Variants in FAM53A observed in about 807,000 individuals in gnomAD.
FAM53A encodes family with sequence similarity 53 member A.
A neutral mutation model predicts 26.6 loss-of-function variants in FAM53A; 28 were observed. That is an observed-to-expected ratio of 1.05 (90% CI 0.78 to 1.45). The LOEUF (loss-of-function observed/expected upper bound fraction) is 1.45, where lower values mean the gene tolerates loss of function less well. Among genes scored for constraint, FAM53A ranks in the 40% most tolerant of loss-of-function variants. FAM53A has a pLI of 0.00. For missense variants in FAM53A, 650 were observed against 575.8 expected, an observed-to-expected ratio of 1.13 and a Z score of -1.32; for synonymous variants, 290 against 253.1, an observed-to-expected ratio of 1.15 and a Z score of -1.38.
chr4:1,587,649 G>A, the FAM53A span, among the ~76,000 whole-genome samples: 1 of 152,156 alleles, frequency 6.6e-6, no homozygotes, highest in Non-Finnish European at 1.5e-5. Flanking sequence ...TCCAGCCTAG[G>A]TGACAGAGCG....
At chr4:1,658,311 C>T (rs376928105) in intron 2 of FAM53A, among the ~76,000 whole-genome samples, 20 of 152,368 alleles carry the variant, frequency 1.3e-4, no homozygotes, top group Admixed American at 7.8e-4. Flanking sequence ...TGAGCCACCA[C>T]GCCCGGCCTC....
At chr4:1,637,617 G>C (rs1001782236), downstream of FAM53A, among the ~76,000 whole-genome samples, 5 of 150,914 alleles carry the variant, frequency 3.3e-5, no homozygotes, top group Non-Finnish European at 7.4e-5. Context: ...AGAGGGGGAG[G>C]GCTGGGGGCA....
chr4:1,588,826 A>T, the FAM53A span, among the ~76,000 whole-genome samples: 3 of 152,356 alleles, frequency 2.0e-5, no homozygotes, highest in South Asian at 2.1e-4. Context: ...TAAATGGACA[A>T]TGATACAATG....
At chr4:1,637,534 C>A (rs1715899931), downstream of FAM53A, among the ~76,000 whole-genome samples, 1 of 152,268 alleles carries the variant, frequency 6.6e-6, no homozygotes, top group African/African-American at 2.4e-5. Context: ...ATCCCTGCCC[C>A]ACCTCGCCTC....
At chr4:1,577,000 G>C in the FAM53A span, among the ~76,000 whole-genome samples, 3 of 107,930 alleles carry the variant, frequency 2.8e-5, no homozygotes, top group East Asian at 3.1e-4. Context: ...CACTGTTCCC[G>C]GCCCCTCCCT....
chr4:1,681,707 T>G (rs568748640), intron 1 of FAM53A, among the ~76,000 whole-genome samples: 5 of 151,950 alleles, frequency 3.3e-5, no homozygotes, highest in South Asian at 2.1e-4. Flanking sequence ...CTCACTATGT[T>G]GCCCAGGCTG....
intron 4 of FAM53A, among the ~76,000 whole-genome samples, chr4:1,651,005 T>G (rs950387541): frequency 4.6e-5 from 6 of 131,390 alleles, no homozygotes; most frequent in East Asian, 2.4e-4. Context: ...GATCACGAGG[T>G]GAGGAGTTCG....
intron 4 of FAM53A, among the ~76,000 whole-genome samples, chr4:1,652,794 C>G (rs553204595): frequency 6.7e-6 from 1 of 148,822 alleles, no homozygotes; most frequent in African/African-American, 2.5e-5. Flanking sequence ...ACCAAACACA[C>G]CACACACGTC....
the FAM53A span, among the ~76,000 whole-genome samples, chr4:1,595,035 A>G: frequency 6.6e-6 from 1 of 152,182 alleles, no homozygotes. Flanking sequence ...GGATGGAGAC[A>G]CAGCTTGCTC....
chr4:1,587,059 G>A, the FAM53A span, among the ~76,000 whole-genome samples: 16 of 152,146 alleles, frequency 1.1e-4, 1 homozygote, highest in African/African-American at 3.9e-4. Context: ...GTCTACTTAG[G>A]TCCTTTGCCA....
At chr4:1,583,810 C>T in the FAM53A span, among the ~76,000 whole-genome samples, 1 of 152,260 alleles carries the variant, frequency 6.6e-6, no homozygotes, top group Admixed American at 6.5e-5. Flanking sequence ...CCTCTCCAGC[C>T]AGAGGTTCTC....
chr4:1,614,243 C>A (rs548691441), downstream of FAM53A, among the ~76,000 whole-genome samples: 1 of 152,270 alleles, frequency 6.6e-6, no homozygotes, highest in Non-Finnish European at 1.5e-5. Flanking sequence ...GTCTGCAGAC[C>A]CTGGGGCTCC....
chr4:1,592,729 A>G, the FAM53A span, among the ~76,000 whole-genome samples: 3 of 152,118 alleles, frequency 2.0e-5, no homozygotes, highest in African/African-American at 7.2e-5. Flanking sequence ...GGGTGGAAGG[A>G]GCAGGAGGGA....
chr4:1,635,411 C>CT (rs1335693931), downstream of FAM53A, among the ~76,000 whole-genome samples: 1 of 152,082 alleles, frequency 6.6e-6, no homozygotes, highest in Non-Finnish European at 1.5e-5. Context: ...GAAGCTGGTA[C>CT]TACAAGCATG....
chr4:1,587,436 C>T, the FAM53A span, among the ~76,000 whole-genome samples: 1 of 152,164 alleles, frequency 6.6e-6, no homozygotes, highest in Non-Finnish European at 1.5e-5. Context: ...CTTTGAAAGG[C>T]CGAGGCAGGC....
intron 2 of FAM53A, among the ~76,000 whole-genome samples, chr4:1,658,802 C>T (rs910032349): frequency 1.2e-4 from 18 of 152,234 alleles, no homozygotes; most frequent in Non-Finnish European, 2.1e-4. Flanking sequence ...GGGGTCCTGC[C>T]GGGTGCCCGG....
intron 1 of FAM53A, among the ~76,000 whole-genome samples, chr4:1,671,426 G>A (rs113176909): frequency 5.0e-5 from 1 of 19,938 alleles, no homozygotes; most frequent in Non-Finnish European, 1.0e-4. Context: ...CTGTCCCAGC[G>A]TCAGAGCCAC....
At chr4:1,585,035 C>G in the FAM53A span, among the ~76,000 whole-genome samples, 2 of 152,126 alleles carry the variant, frequency 1.3e-5, no homozygotes, top group Non-Finnish European at 2.9e-5. Context: ...TTGAAATATG[C>G]ATACATTGTG....
At chr4:1,635,763 G>T (rs1715809776), downstream of FAM53A, among the ~76,000 whole-genome samples, 1 of 150,482 alleles carries the variant, frequency 6.6e-6, no homozygotes, top group Non-Finnish European at 1.5e-5. Context: ...TGGAATTTCT[G>T]AAACACATGA....
Sources: allele counts gnomAD v4.1 joint callset (sites outside exome capture counted in the v4.1 genomes callset), GRCh38; gene constraint gnomAD v4.1.1; transcripts MANE v1.5; gene names NCBI Gene and HGNC (gene_info 2026-07-23, HGNC 2026-07-21).